The following FREM3 variants were observed in gnomAD, a reference collection of about 807,000 sequenced individuals.
FREM3 encodes FRAS1-related extracellular matrix protein 3.
FREM3 carries 105 observed loss-of-function variants against 129.1 expected under a neutral mutation model. The observed-to-expected ratio is 0.81, with a 90% CI of 0.69 to 0.96. The LOEUF is 0.96. Ranked by LOEUF, FREM3 falls within the 40% of genes least tolerant of loss-of-function variation. The pLI, the probability that FREM3 is intolerant of heterozygous loss-of-function variation, is 0.00. For synonymous variants in FREM3, 1,014 were observed against 1,044.9 expected, an observed-to-expected ratio of 0.97 and a Z score of 0.57; for missense variants, 2,593 against 2,666.3, an observed-to-expected ratio of 0.97 and a Z score of 0.61.
At chr4:143,680,861 A>G (rs1480697750) in intron 2 of FREM3, among the ~76,000 whole-genome samples, 3 of 152,106 alleles carry the variant, frequency 2.0e-5, no homozygotes, top group Non-Finnish European at 4.4e-5. Context: ...TATCACTGTC[A>G]CTGTCCTGAT....
chr4:143,696,513 A>G lies in FREM3; in HGVS notation c.4163T>C (p.Ile1388Thr). The G allele has an allele frequency of 2.6e-6, 4 of 1,537,522 alleles. No homozygotes were observed. Among genetic ancestry groups the G allele is most frequent in the Non-Finnish European group, 3.5e-6 (4 of 1,146,960 alleles). ...AACAATCCCTTCTTGGCCTGTGTGG[A>G]TATAGCAGATGAGGCCTCTGTTAAT... is the stretch of plus-strand genomic sequence containing the variant. ...DEINRGLICYIHTGQEGIVDI... is the reference protein window; with the variant it reads ...DEINRGLICYTHTGQEGIVDI... Residue 1388 changes from isoleucine (I) to threonine (T), a missense_variant, in exon 1 of 8, where the codon ATC (isoleucine) becomes ACC (threonine). Ile to Thr is a moderately conservative substitution (Grantham distance 89). Around this residue, in one of 2 missense-constraint regions of FREM3, gnomAD observed 2,276 missense variants for 2,267.2 expected, o/e 1.00. Coordinates refer to ENST00000329798, the MANE Select transcript of FREM3 (RefSeq NM_001168235.2).
intron 2 of FREM3, among the ~76,000 whole-genome samples, chr4:143,667,879 C>CT (rs1739892684): frequency 6.6e-6 from 1 of 152,104 alleles, no homozygotes. Flanking sequence ...ATGTTCTTAG[C>CT]TTTTTTTGAG....
rs1242714169 is a variant in FREM3, at chr4:143,696,423, G to A, written c.4253C>T (p.Thr1418Ile). 7.2e-6 allele frequency: 11 copies of A among 1,537,564 alleles called. No homozygotes were observed. Among genetic ancestry groups the A allele is most frequent in the Non-Finnish European group, 9.6e-6 (11 of 1,146,964 alleles). ...NTLTDHYFYV[T>I]IGNLDSVFPE... ...GAAGACGCTGTCTAAGTTGCCAATG[G>A]TGACATAGAAGTAGTGGTCTGTCAA... is the stretch of plus-strand genomic sequence containing the variant. Residue 1418 changes from threonine to isoleucine, a missense_variant, in exon 1 of 8, where the codon ACC becomes ATC. Physicochemically the swap from Thr to Ile is moderately conservative, Grantham distance 89 (BLOSUM62 -1). Transcript: ENST00000329798.
At position 143,699,099 on chromosome 4, in the gene FREM3, T is replaced by C; in HGVS notation, c.1577A>G (p.His526Arg). The C allele has an allele frequency of 6.5e-7, 1 of 1,537,452 alleles. No homozygotes were observed. Among genetic ancestry groups the C allele is most frequent in the Non-Finnish European group, 8.7e-7 (1 of 1,146,968 alleles). The change falls in exon 1 of 8, where the codon CAC (histidine) becomes CGC (arginine). Residue 526 changes from histidine (H) to arginine (R), a missense_variant. Around this residue, in one of 2 missense-constraint regions of FREM3, gnomAD observed 2,276 missense variants for 2,267.2 expected, o/e 1.00. Coordinates refer to ENST00000329798, the MANE Select transcript of FREM3 (RefSeq NM_001168235.2). This position sits in a 1 kb window ranked among gnomAD's most constrained non-coding sequence, Gnocchi z 4.2. ...GAGGGGAAAGAGGAAGTCCACTTGG[T>C]GGTGCCCGTCCTCCATCCGGAAGAT... ...NIIFRMEDGH[H>R]QVDFLFPLTI...
At chr4:143,602,111 G>GTGCC (rs1190512857) in intron 6 of FREM3, among the ~76,000 whole-genome samples, 5 of 152,180 alleles carry the variant, frequency 3.3e-5, no homozygotes, top group African/African-American at 1.2e-4. Context: ...TATCTAACAT[G>GTGCC]TGCCTAAACT....
At chr4:143,687,706 A>T (rs1301658565) in intron 2 of FREM3, among the ~76,000 whole-genome samples, 1 of 152,212 alleles carries the variant, frequency 6.6e-6, no homozygotes, top group Non-Finnish European at 1.5e-5. Flanking sequence ...GGATGGTTGA[A>T]CATCCACAAG....
In FREM3 at chr4:143,621,279, CTG is replaced by C. The variant is rs537135768; in HGVS notation, c.5654-119_5654-118del. The C allele has an allele frequency of 7.9e-4, 739 of 936,370 alleles. 3 individuals carry two copies. The African/African-American group carries it at 9.3e-3, about 12-fold the overall frequency. 58.0% of individuals were successfully genotyped at this position (936,370 alleles called of 1,614,324 possible). ...CTCTTATATTTTCCAACATGATTAA[CTG>C]TATTAAATATAGTGAGAATGGGAAG... is the stretch of plus-strand genomic sequence containing the variant. On this transcript the variant is annotated intron_variant, in intron 4 of 7. Coordinates refer to ENST00000329798, the MANE Select transcript of FREM3 (RefSeq NM_001168235.2).
chr4:143,589,849 A>G (rs1047185705), intron 6 of FREM3, among the ~76,000 whole-genome samples: 12 of 152,118 alleles, frequency 7.9e-5, no homozygotes, highest in African/African-American at 1.7e-4. Flanking sequence ...CCATTTTCAC[A>G]ATATTGATTC....
intron 6 of FREM3, among the ~76,000 whole-genome samples, chr4:143,597,617 A>G (rs923390099): frequency 7.2e-5 from 11 of 152,228 alleles, no homozygotes; most frequent in African/African-American, 2.4e-4. Context: ...ATTTCTTTAT[A>G]CTAATAACAA....
chr4:143,687,157 A>T (rs1342059787), intron 2 of FREM3, among the ~76,000 whole-genome samples: 1 of 152,166 alleles, frequency 6.6e-6, no homozygotes, highest in East Asian at 1.9e-4. Context: ...AAGAAACAAA[A>T]CAGGAGATAG....
At chr4:143,624,477 A>T (rs1242355997) in intron 3 of FREM3, 139 bp from the exon 4 acceptor site, 5 of 615,244 alleles carry the variant, frequency 8.1e-6, no homozygotes, top group Non-Finnish European at 1.4e-5. Flanking sequence ...ACACTTGTAA[A>T]TGATCTTTCT....
chr4:143,584,145 C>G (rs1241703578), intron 7 of FREM3, among the ~76,000 whole-genome samples: 2 of 151,916 alleles, frequency 1.3e-5, no homozygotes, highest in African/African-American at 4.8e-5. Flanking sequence ...CGCGGTGGCT[C>G]ACGCCTGTAA....
At position 143,690,030 on chromosome 4, in the gene FREM3, A is replaced by G. The variant is rs933295575; in HGVS notation, c.5275+3083T>C. On this transcript the variant is annotated intron_variant, in intron 2 of 7. Coordinates refer to ENST00000329798, the MANE Select transcript of FREM3 (RefSeq NM_001168235.2). The stretch of plus-strand genomic sequence containing the variant: ...TTATGGAAAAATTAAAAAAAAAAAA[A>G]AAAAAGAAATGCAGCCTTGTCAAAA... Among the ~76,000 whole-genome samples, 9 of 152,060 alleles carry G rather than the reference A, an allele frequency of 5.9e-5. No individual in the cohort carries two copies. In the East Asian group the frequency reaches 1.7e-3, roughly 29 times the overall value.
Position 143,696,578 on chromosome 4 carries a change from C to G in FREM3, c.4098G>C (p.Arg1366Ser). The G allele has an allele frequency of 2.0e-6, 3 of 1,537,462 alleles. No homozygotes were observed. Among genetic ancestry groups the G allele is most frequent in the Non-Finnish European group, 2.6e-6 (3 of 1,146,952 alleles). Residue 1366 changes from arginine (R) to serine (S), a missense_variant, in exon 1 of 8, where the codon AGG becomes AGC. Transcript: ENST00000329798. ...AGTTCATTCCCAGAGTAAGATTGTT[C>G]CTCACTTCTCCTCTGGGTTTTCTCA... ...QRLRKPRGEV[R>S]NNLTLGMNFT... is the part of the protein sequence containing the mutation.
rs1049993901 is a variant in FREM3 at position 143,697,670 on chromosome 4, C to A, written c.3006G>T (p.Leu1002Phe). 4 of 1,537,872 alleles carry A rather than the reference C, an allele frequency of 2.6e-6. No individual in the cohort carries two copies. The highest frequency in any genetic ancestry group is 2.4e-5 in the South Asian group (2 of 84,050). Reference protein sequence around the residue: ...PKLGTILVNGLPTERFTQEDL... With the variant: ...PKLGTILVNGFPTERFTQEDL... ...CCTCTTGGGTGAATCGTTCTGTGGG[C>A]AAACCATTTACCAGAATAGTGCCCA... Residue 1002 changes from leucine (L) to phenylalanine (F), a missense_variant, in exon 1 of 8, where the codon TTG (leucine) becomes TTT (phenylalanine). This residue lies in a region of FREM3 where 2,276 missense variants were observed against 2,267.2 expected (regional missense o/e 1.00). Transcript: ENST00000329798.
At chr4:143,620,263 A>G (rs2149841144) in intron 5 of FREM3, among the ~76,000 whole-genome samples, 1 of 152,204 alleles carries the variant, frequency 6.6e-6, no homozygotes, top group South Asian at 2.1e-4. Context: ...ATCAGGACAT[A>G]CCTGATACCT....
At chr4:143,590,386 G>A (rs1738336172) in intron 6 of FREM3, among the ~76,000 whole-genome samples, 1 of 152,104 alleles carries the variant, frequency 6.6e-6, no homozygotes, top group Admixed American at 6.6e-5. Context: ...GTCATAGATA[G>A]CTCTTATTAT....
In FREM3 at chr4:143,695,545, C is replaced by T; in HGVS notation, c.5131G>A (p.Gly1711Ser). 1.3e-6 allele frequency: 2 copies of T among 1,537,458 alleles called. No homozygotes were observed. Among genetic ancestry groups the T allele is most frequent in the Non-Finnish European group, 1.7e-6 (2 of 1,146,974 alleles). ...KYKVTRGPEHGFIIKTGLGNQ... is the reference protein window; with the variant it reads ...KYKVTRGPEHSFIIKTGLGNQ... ...CCAAGGCCAGTTTTGATAATGAAGC[C>T]ATGCTCTGGTCCTCTGGTCACTTTA... Residue 1711 changes from glycine to serine, a missense_variant, in exon 1 of 8, where the codon GGC becomes AGC. Around this residue, in one of 2 missense-constraint regions of FREM3, gnomAD observed 2,276 missense variants for 2,267.2 expected, o/e 1.00. Coordinates refer to ENST00000329798, the MANE Select transcript of FREM3 (RefSeq NM_001168235.2).
At chr4:143,677,032 G>GA (rs1376135111) in intron 2 of FREM3, among the ~76,000 whole-genome samples, 4 of 152,064 alleles carry the variant, frequency 2.6e-5, no homozygotes, top group Admixed American at 6.6e-5. Flanking sequence ...CACTGAATTG[G>GA]AAAAAACTAC....
Sources: gnomAD v4.1 joint callset for allele counts (sites outside exome capture counted in the v4.1 genomes callset) on GRCh38, gnomAD v4.1.1 for gene constraint, gnomAD v4.1.1 regional missense constraint, Gnocchi (gnomAD v3.1) non-coding constraint, MANE v1.5 for transcripts, NCBI Gene and HGNC (gene_info 2026-07-23, HGNC 2026-07-21) for gene names.